The following CCSER1 variants were observed in gnomAD, a reference collection of about 807,000 sequenced individuals.
CCSER1 encodes the protein serine-rich coiled-coil domain-containing protein 1.
CCSER1 carries 41 observed loss-of-function variants against 82.0 expected under a neutral mutation model. The ratio of observed to expected loss-of-function variants is 0.50; its 90% CI spans 0.39 to 0.65. The LOEUF (loss-of-function observed/expected upper bound fraction) is 0.65. Among genes scored for constraint, CCSER1 ranks in the 30% least tolerant of loss-of-function variants. The probability of loss-of-function intolerance (pLI) is 0.00; values close to 1 mark genes in which losing one functional copy is unlikely to be tolerated. For synonymous variants in CCSER1, 414 were observed against 383.9 expected (o/e 1.08, Z -0.92); for missense variants, 1,119 against 1,064.2 (o/e 1.05, Z -0.72).
intron 4 of CCSER1, among the ~76,000 whole-genome samples, chr4:90,462,439 G>C (rs1459757508): frequency 6.6e-6 from 1 of 152,068 alleles, no homozygotes; most frequent in Admixed American, 6.5e-5. Flanking sequence ...ACCCATCCAG[G>C]TTACCTAGGA....
chr4:90,818,066 T>C (rs1036162174), intron 8 of CCSER1, among the ~76,000 whole-genome samples: 2 of 152,102 alleles, frequency 1.3e-5, no homozygotes, highest in Non-Finnish European at 2.9e-5. Flanking sequence ...ACTGTTATTA[T>C]CACAAGCAAT....
At chr4:90,169,817 G>T (rs986163598) in intron 1 of CCSER1, among the ~76,000 whole-genome samples, 1 of 132,628 alleles carries the variant, frequency 7.5e-6, no homozygotes, top group Non-Finnish European at 1.5e-5. Flanking sequence ...TTAATCACTG[G>T]GTTACACATG....
At chr4:90,424,606 G>A (rs996016769) in intron 4 of CCSER1, among the ~76,000 whole-genome samples, 1 of 152,088 alleles carries the variant, frequency 6.6e-6, no homozygotes, top group Non-Finnish European at 1.5e-5. Flanking sequence ...CTTGAGAGAA[G>A]CTTTGATTAC....
chr4:91,466,631 A>C (rs1381261248), intron 10 of CCSER1, among the ~76,000 whole-genome samples: 1 of 152,200 alleles, frequency 6.6e-6, no homozygotes, highest in Non-Finnish European at 1.5e-5. Context: ...AAATCTCCTT[A>C]AGCTGATAAG....
intron 10 of CCSER1, among the ~76,000 whole-genome samples, chr4:91,385,119 A>C (rs7672346): frequency 0.67 from 102,411 of 151,834 alleles, 35,022 homozygotes; most frequent in East Asian, 0.86. Flanking sequence ...TAGTACAAAA[A>C]TACAAGGTTA....
chr4:90,599,074 C>T lies in CCSER1; in HGVS notation c.1725-28951C>T, dbSNP rs145592169. The stretch of plus-strand genomic sequence containing the variant: ...TGTGGGCTCCTTCTCTAGAGTAGTA[C>T]AGCCATGTGAATCCCAGGCAATTCC... On this transcript the variant is annotated intron_variant, in intron 5 of 10. Transcript: ENST00000509176. 2.4e-3 allele frequency among the ~76,000 whole-genome samples: 358 copies of T among 152,222 alleles called. 1 individual carries two copies. The highest frequency in any genetic ancestry group is 7.8e-3 in the African/African-American group (325 of 41,534).
At chr4:90,157,371 G>T (rs1454182924) in intron 1 of CCSER1, among the ~76,000 whole-genome samples, 1 of 152,154 alleles carries the variant, frequency 6.6e-6, no homozygotes, top group African/African-American at 2.4e-5. Flanking sequence ...CTCTTCTCGA[G>T]TAGTAGCTTT....
intron 10 of CCSER1, among the ~76,000 whole-genome samples, chr4:91,268,993 T>A (rs1440075551): frequency 6.6e-6 from 1 of 152,184 alleles, no homozygotes; most frequent in East Asian, 1.9e-4. Flanking sequence ...ATGCTAACAA[T>A]AAAATTCAGC....
chr4:91,538,169 T>C (rs1211590921), intron 10 of CCSER1, among the ~76,000 whole-genome samples: 1 of 152,082 alleles, frequency 6.6e-6, no homozygotes, highest in Non-Finnish European at 1.5e-5. Context: ...AATTCTTTCC[T>C]TGTAAATAAC....
intron 10 of CCSER1, among the ~76,000 whole-genome samples, chr4:91,309,283 C>T (rs917410645): frequency 1.3e-5 from 2 of 151,964 alleles, no homozygotes; most frequent in Non-Finnish European, 2.9e-5. Flanking sequence ...TTTGTTAATA[C>T]AGCTATTTAA....
chr4:90,330,134 A>G (rs1739013432), intron 3 of CCSER1, among the ~76,000 whole-genome samples: 2 of 152,126 alleles, frequency 1.3e-5, no homozygotes, highest in African/African-American at 4.8e-5. Flanking sequence ...ATCTTTTGTG[A>G]GAGAAACTTT....
At chr4:91,587,249 T>G (rs757776470) in intron 10 of CCSER1, among the ~76,000 whole-genome samples, 4 of 151,738 alleles carry the variant, frequency 2.6e-5, no homozygotes, top group Admixed American at 6.6e-5. Context: ...TGGATTCACC[T>G]TAGCCTTATA....
At chr4:90,915,405 G>T (rs12499313) in intron 8 of CCSER1, among the ~76,000 whole-genome samples, 70,997 of 151,962 alleles carry the variant, frequency 0.47, 18,244 homozygotes, top group African/African-American at 0.7. Flanking sequence ...CAGAACCAAA[G>T]ACAAAAACCA....
At chr4:91,368,225 A>G (rs1749778919) in intron 10 of CCSER1, among the ~76,000 whole-genome samples, 1 of 152,112 alleles carries the variant, frequency 6.6e-6, no homozygotes, top group African/African-American at 2.4e-5. Context: ...CATAACTTAC[A>G]CTGAAGTCTG....
At chr4:91,018,861 G>A (rs1739672699) in intron 9 of CCSER1, among the ~76,000 whole-genome samples, 1 of 151,998 alleles carries the variant, frequency 6.6e-6, no homozygotes, top group Admixed American at 6.6e-5. Flanking sequence ...GACTGCTGAT[G>A]TTGTTGGATG....
At chr4:90,146,469 C>T (rs917803206) in intron 1 of CCSER1, among the ~76,000 whole-genome samples, 4 of 151,992 alleles carry the variant, frequency 2.6e-5, no homozygotes, top group African/African-American at 9.7e-5. Flanking sequence ...CCTAGAAAAA[C>T]AGCTACCGTC....
intron 9 of CCSER1, among the ~76,000 whole-genome samples, chr4:91,014,151 A>C (rs2150509255): frequency 8.6e-6 from 1 of 115,982 alleles, no homozygotes. Context: ...TTATTTCTGC[A>C]GATTTTTCTC....
chr4:90,641,771 G>T (rs943190866), intron 6 of CCSER1, among the ~76,000 whole-genome samples: 1 of 152,148 alleles, frequency 6.6e-6, no homozygotes, highest in Non-Finnish European at 1.5e-5. Context: ...TGCTAGTCAT[G>T]CATAATATTT....
chr4:90,162,937 A>G (rs993615788), intron 1 of CCSER1, among the ~76,000 whole-genome samples: 8 of 152,118 alleles, frequency 5.3e-5, no homozygotes, highest in East Asian at 1.9e-4. Context: ...GTATAAAACA[A>G]TTTGTGTCTT....
Sources: allele counts gnomAD v4.1 joint callset (sites outside exome capture counted in the v4.1 genomes callset), GRCh38; gene constraint gnomAD v4.1.1; transcripts MANE v1.5; gene names NCBI Gene and HGNC (gene_info 2026-07-23, HGNC 2026-07-21).